DOCK4: variants seen among roughly 807,000 people sequenced by gnomAD.
DOCK4 encodes dedicator of cytokinesis 4, also known as dedicator of cytokinesis protein 4.
A neutral mutation model predicts 268.1 loss-of-function variants in DOCK4; 97 were observed. That is an observed-to-expected ratio of 0.36 (90% CI 0.31 to 0.43). The LOEUF (loss-of-function observed/expected upper bound fraction) is 0.43, where lower values mean the gene tolerates loss of function less well. Ranked by LOEUF, DOCK4 falls within the 20% of genes least tolerant of loss-of-function variation. The probability of loss-of-function intolerance (pLI) is 1.00; values close to 1 mark genes in which losing one functional copy is unlikely to be tolerated. For synonymous variants in DOCK4, 954 were observed against 887.2 expected (o/e 1.08, Z -1.34); for missense variants, 2,145 against 2,455.7 (o/e 0.87, Z 2.67).
chr7:111,757,293 C>T (rs773452036), intron 41 of DOCK4, among the ~76,000 whole-genome samples: 25 of 151,958 alleles, frequency 1.6e-4, no homozygotes, highest in African/African-American at 3.9e-4. Context: ...ACAGCCACAA[C>T]GAAATGTAGT....
At position 112,018,164 on chromosome 7, in the gene DOCK4, A is replaced by C. The variant is rs1490035342; in HGVS notation, c.38-14033T>G. On this transcript the variant is annotated intron_variant, in intron 1 of 52. Coordinates refer to ENST00000428084, the MANE Select transcript of DOCK4 (RefSeq NM_001363540.2). ...AGCTCAAAAAAAAAAAAAAAAAAAA[A>C]AAAAAAAAAAAAAAAACACAGGCAA... Among the ~76,000 whole-genome samples the C allele has an allele frequency of 4.7e-3, 663 of 141,800 alleles. 23 individuals are homozygous for C. The highest frequency in any genetic ancestry group is 0.017 in the African/African-American group (635 of 37,440). 93.0% of individuals were successfully genotyped at this position (141,800 alleles called of 152,430 possible).
intron 22 of DOCK4, among the ~76,000 whole-genome samples, chr7:111,867,082 T>A (rs566833997): frequency 6.6e-6 from 1 of 152,290 alleles, no homozygotes; most frequent in South Asian, 2.1e-4. Flanking sequence ...AGTCCACCTC[T>A]ATAAAGAAGA....
intron 13 of DOCK4, among the ~76,000 whole-genome samples, chr7:111,914,370 A>G (rs963179678): frequency 6.6e-6 from 1 of 152,134 alleles, no homozygotes; most frequent in East Asian, 1.9e-4. Context: ...TCCTGTGGCA[A>G]TGTAAAGCAG....
At chr7:112,201,086 T>G (rs575405674) in intron 1 of DOCK4, among the ~76,000 whole-genome samples, 2 of 152,284 alleles carry the variant, frequency 1.3e-5, no homozygotes, top group South Asian at 2.1e-4. Flanking sequence ...TTTAAGAAAC[T>G]GTTAGCTAAG....
At chr7:111,838,554 CT>C (rs1803419128) in intron 25 of DOCK4, among the ~76,000 whole-genome samples, 1 of 152,122 alleles carries the variant, frequency 6.6e-6, no homozygotes, top group African/African-American at 2.4e-5. Context: ...TCCCCTGCCC[CT>C]ATGCCCCCCA....
intron 1 of DOCK4, among the ~76,000 whole-genome samples, chr7:112,182,378 A>C (rs906678817): frequency 9.9e-5 from 15 of 152,240 alleles, no homozygotes; most frequent in African/African-American, 3.4e-4. Context: ...TAAAAAAGCA[A>C]GCTACAGAAC....
chr7:111,937,795 C>T (rs1368559648), intron 11 of DOCK4, among the ~76,000 whole-genome samples: 2 of 152,194 alleles, frequency 1.3e-5, no homozygotes, highest in African/African-American at 2.4e-5. Flanking sequence ...GTCCTGACCT[C>T]AAATCTGCTT....
intron 1 of DOCK4, among the ~76,000 whole-genome samples, chr7:112,085,167 AT>A (rs1037349318): frequency 5.3e-5 from 8 of 152,142 alleles, no homozygotes; most frequent in African/African-American, 1.9e-4. Flanking sequence ...ACATGGTAAC[AT>A]TTGGCAAAGA....
intron 1 of DOCK4, among the ~76,000 whole-genome samples, chr7:112,019,146 T>G (rs1015030170): frequency 4.6e-5 from 7 of 152,198 alleles, no homozygotes; most frequent in Non-Finnish European, 8.8e-5. Context: ...TTTCATTTTT[T>G]GGAAGACAAT....
intron 30 of DOCK4, among the ~76,000 whole-genome samples, chr7:111,802,427 G>C (rs1170322541): frequency 1.3e-5 from 2 of 152,138 alleles, no homozygotes; most frequent in Non-Finnish European, 2.9e-5. Context: ...CTGCTGCCTT[G>C]ACACTGTGTA....
chr7:111,741,342 T>C, intron 46 of DOCK4, 128 bp from the exon 47 acceptor site: 1 of 1,430,264 alleles, frequency 7.0e-7, no homozygotes, highest in Non-Finnish European at 9.5e-7. Flanking sequence ...TGCCTCAATA[T>C]AATCAAATGT....
intron 25 of DOCK4, 80 bp downstream of exon 25, chr7:111,844,683 A>G: frequency 6.7e-7 from 1 of 1,492,004 alleles, no homozygotes; most frequent in Non-Finnish European, 9.0e-7. Context: ...CATTTTCCAG[A>G]TTATAACATC....
chr7:111,816,184 T>C (rs1411000635), intron 27 of DOCK4, among the ~76,000 whole-genome samples: 1 of 152,204 alleles, frequency 6.6e-6, no homozygotes, highest in Non-Finnish European at 1.5e-5. Flanking sequence ...TTTTTTTTAA[T>C]TACTCCAATT....
chr7:112,060,107 G>C (rs1220132342), intron 1 of DOCK4, among the ~76,000 whole-genome samples: 1 of 152,142 alleles, frequency 6.6e-6, no homozygotes, highest in Non-Finnish European at 1.5e-5. Flanking sequence ...AGCTCCTAGA[G>C]CCAGCTAATT....
At chr7:112,087,866 T>C (rs1334953691) in intron 1 of DOCK4, among the ~76,000 whole-genome samples, 2 of 152,122 alleles carry the variant, frequency 1.3e-5, no homozygotes, top group Non-Finnish European at 2.9e-5. Flanking sequence ...CAGCCCTGTT[T>C]AGACATCTCT....
intron 1 of DOCK4, among the ~76,000 whole-genome samples, chr7:112,012,031 C>T (rs73717935): frequency 0.01 from 1,550 of 151,790 alleles, 26 homozygotes; most frequent in African/African-American, 0.035. Context: ...GATGACACCC[C>T]CTGCCTGGCC....
chr7:112,019,372 A>G (rs1247056311), intron 1 of DOCK4, among the ~76,000 whole-genome samples: 1 of 152,184 alleles, frequency 6.6e-6, no homozygotes, highest in Non-Finnish European at 1.5e-5. Context: ...GTAATTAAAA[A>G]CTATCTTATT....
chr7:111,905,413 A>G (rs1791482033), intron 13 of DOCK4, among the ~76,000 whole-genome samples: 1 of 152,196 alleles, frequency 6.6e-6, no homozygotes, highest in Non-Finnish European at 1.5e-5. Flanking sequence ...CTTTACACAT[A>G]TGAAGGCCTT....
intron 1 of DOCK4, among the ~76,000 whole-genome samples, chr7:112,183,367 A>C (rs1819220498): frequency 6.6e-6 from 1 of 152,222 alleles, no homozygotes; most frequent in Admixed American, 6.5e-5. Flanking sequence ...AAAACATGGA[A>C]ACTGAAAGGG....
Sources: allele counts gnomAD v4.1 joint callset (sites outside exome capture counted in the v4.1 genomes callset), GRCh38; gene constraint gnomAD v4.1.1; transcripts MANE v1.5; gene names NCBI Gene and HGNC (gene_info 2026-07-23, HGNC 2026-07-21).